The following GREM2 variants were observed in gnomAD, a reference collection of about 807,000 sequenced individuals.
The protein encoded by GREM2 is gremlin-2.
A neutral mutation model predicts 14.2 loss-of-function variants in GREM2; 11 were observed. That is an observed-to-expected ratio of 0.78 (90% confidence interval 0.49 to 1.28). The LOEUF is 1.28. GREM2 is among the 50% of genes most tolerant of loss of function. The pLI is 0.00. For missense variants in GREM2, 210 were observed against 218.5 expected, an observed-to-expected ratio of 0.96 and a Z score of 0.24; for synonymous variants, 98 against 97.6, an observed-to-expected ratio of 1.00 and a Z score of -0.02.
At chr1:240,551,491 G>A (rs1225263728) in intron 1 of GREM2, among the ~76,000 whole-genome samples, 2 of 152,144 alleles carry the variant, frequency 1.3e-5, no homozygotes, top group Non-Finnish European at 2.9e-5. Context: ...TGGGACTACA[G>A]GCACATGCCA....
chr1:240,529,274 GT>G (rs947595182), intron 1 of GREM2, among the ~76,000 whole-genome samples: 30 of 56,528 alleles, frequency 5.3e-4, no homozygotes, highest in African/African-American at 8.5e-4. Context: ...CTATGATTAT[GT>G]TTTTTTTTTC....
intron 1 of GREM2, among the ~76,000 whole-genome samples, chr1:240,509,140 T>C (rs957640714): frequency 6.6e-6 from 1 of 152,184 alleles, no homozygotes; most frequent in Non-Finnish European, 1.5e-5. Flanking sequence ...GGAGAGGATT[T>C]GAAAGTAATT....
intron 1 of GREM2, among the ~76,000 whole-genome samples, chr1:240,562,920 GTA>G (rs766803762): frequency 1.3e-4 from 20 of 149,890 alleles, no homozygotes; most frequent in African/African-American, 3.7e-4. Context: ...GTCTGTGAGT[GTA>G]TGTGTATGTG....
chr1:240,533,468 G>C (rs1413476722), intron 1 of GREM2, among the ~76,000 whole-genome samples: 1 of 152,170 alleles, frequency 6.6e-6, no homozygotes, highest in African/African-American at 2.4e-5. Context: ...TAATGTTATA[G>C]AACTCTATCC....
chr1:240,500,405 TC>T (rs1677543909), intron 1 of GREM2, among the ~76,000 whole-genome samples: 1 of 151,936 alleles, frequency 6.6e-6, no homozygotes, highest in South Asian at 2.1e-4. Flanking sequence ...TTCACGCCAT[TC>T]TCCTGCCTCA....
At chr1:240,506,461 C>A (rs959678123) in intron 1 of GREM2, among the ~76,000 whole-genome samples, 10 of 152,130 alleles carry the variant, frequency 6.6e-5, no homozygotes, top group African/African-American at 2.2e-4. Context: ...TTATTGACAA[C>A]TGATGCTGAA....
At chr1:240,572,723 A>T (rs140746520) in intron 1 of GREM2, among the ~76,000 whole-genome samples, 2 of 152,294 alleles carry the variant, frequency 1.3e-5, no homozygotes, top group African/African-American at 4.8e-5. Flanking sequence ...CAGTTCAAAA[A>T]TTGTGATGGA....
intron 1 of GREM2, among the ~76,000 whole-genome samples, chr1:240,536,045 G>A (rs1057316044): frequency 7.1e-6 from 1 of 141,074 alleles, no homozygotes; most frequent in Non-Finnish European, 1.5e-5. Flanking sequence ...AGGTGTCACA[G>A]AAGCCAACTT....
chr1:240,585,060 C>G (rs1333099715), intron 1 of GREM2, among the ~76,000 whole-genome samples: 1 of 152,192 alleles, frequency 6.6e-6, no homozygotes, highest in East Asian at 1.9e-4. Flanking sequence ...AGTCCTGTTG[C>G]AAGACCTTTA....
intron 1 of GREM2, among the ~76,000 whole-genome samples, chr1:240,520,298 G>C (rs571363100): frequency 1.4e-4 from 22 of 152,126 alleles, no homozygotes; most frequent in Middle Eastern, 3.4e-3. Flanking sequence ...AGCTCTGGTG[G>C]TCAACTAGTC....
chr1:240,530,060 T>A (rs539287899), intron 1 of GREM2, among the ~76,000 whole-genome samples: 6 of 152,128 alleles, frequency 3.9e-5, no homozygotes, highest in Non-Finnish European at 7.4e-5. Flanking sequence ...GACAACCTCA[T>A]TGGGCACCCG....
At chr1:240,508,978 A>G (rs555116511) in intron 1 of GREM2, among the ~76,000 whole-genome samples, 46 of 152,356 alleles carry the variant, frequency 3.0e-4, no homozygotes, top group African/African-American at 1.1e-3. Flanking sequence ...TTATATCCTC[A>G]TTAATAAGGA....
At chr1:240,501,193 T>C (rs1677562647) in intron 1 of GREM2, among the ~76,000 whole-genome samples, 1 of 152,036 alleles carries the variant, frequency 6.6e-6, no homozygotes, top group South Asian at 2.1e-4. Flanking sequence ...AAAGGAAAAA[T>C]AAGAATTTCC....
chr1:240,601,352 T>G (rs963943089), intron 1 of GREM2, among the ~76,000 whole-genome samples: 1 of 152,186 alleles, frequency 6.6e-6, no homozygotes, highest in African/African-American at 2.4e-5. Flanking sequence ...TCCCTCTGTT[T>G]GACTACCCAC....
chr1:240,520,264 G>A (rs1479003301), intron 1 of GREM2, among the ~76,000 whole-genome samples: 1 of 152,104 alleles, frequency 6.6e-6, no homozygotes, highest in Non-Finnish European at 1.5e-5. Flanking sequence ...TTGAGCCTAG[G>A]AGTCATGTGT....
intron 1 of GREM2, among the ~76,000 whole-genome samples, chr1:240,565,230 T>C (rs757584492): frequency 1.3e-5 from 2 of 152,150 alleles, no homozygotes; most frequent in Non-Finnish European, 2.9e-5. Flanking sequence ...TTCTTTTAGG[T>C]CAGGACAAAG....
At chr1:240,572,139 C>T (rs145109922) in intron 1 of GREM2, among the ~76,000 whole-genome samples, 42 of 152,310 alleles carry the variant, frequency 2.8e-4, no homozygotes, top group African/African-American at 1.0e-3. Context: ...GCTTCAATTA[C>T]AACTAGAATA....
intron 1 of GREM2, among the ~76,000 whole-genome samples, chr1:240,544,418 A>G (rs1678671194): frequency 1.3e-5 from 2 of 152,250 alleles, no homozygotes; most frequent in South Asian, 2.1e-4. Context: ...AAGTGCTGGG[A>G]TTACAGGCGT....
intron 1 of GREM2, among the ~76,000 whole-genome samples, chr1:240,562,988 G>A (rs1193683461): frequency 6.8e-6 from 1 of 147,478 alleles, no homozygotes; most frequent in Non-Finnish European, 1.5e-5. Context: ...ATATGTAAGT[G>A]TGTATGTGTG....
Sources: gnomAD v4.1 joint callset for allele counts (sites outside exome capture counted in the v4.1 genomes callset) on GRCh38, gnomAD v4.1.1 for gene constraint, MANE v1.5 for transcripts, NCBI Gene and HGNC (gene_info 2026-07-23, HGNC 2026-07-21) for gene names.